The following H6PD variants were observed in gnomAD, a reference collection of about 807,000 sequenced individuals.
The protein encoded by H6PD is GDH/6PGL endoplasmic bifunctional protein.
A neutral mutation model predicts 61.2 loss-of-function variants in H6PD; 48 were observed. The ratio of observed to expected loss-of-function variants is 0.78; its 90% CI spans 0.62 to 1.00. H6PD has a LOEUF of 1.00. Ranked by LOEUF, H6PD falls within the 50% of genes least tolerant of loss-of-function variation. The pLI, the probability that H6PD is intolerant of heterozygous loss-of-function variation, is 0.00. For missense variants in H6PD, 1,093 were observed against 1,065.0 expected, an observed-to-expected ratio of 1.03 and a Z score of -0.37; for synonymous variants, 480 against 457.9, an observed-to-expected ratio of 1.05 and a Z score of -0.62.
intron 1 of H6PD, among the ~76,000 whole-genome samples, chr1:9,240,467 A>G (rs1311477512): frequency 1.3e-5 from 2 of 152,148 alleles, no homozygotes; most frequent in Non-Finnish European, 2.9e-5. Context: ...TAGGGACACT[A>G]AAAGATCACA....
intron 3 of H6PD, among the ~76,000 whole-genome samples, chr1:9,247,796 G>A (rs1285590318): frequency 2.0e-5 from 3 of 151,932 alleles, no homozygotes; most frequent in South Asian, 2.1e-4. Context: ...TTGCAGCTGT[G>A]AGATGAGCAT....
At position 9,245,418 on chromosome 1, in the gene H6PD, C is replaced by T. The variant is rs1285103136; in HGVS notation, c.484C>T (p.Pro162Ser). The change falls in exon 2 of 5, where the codon CCA (proline) becomes TCA (serine). Residue 162 changes from proline to serine, a missense_variant. Pro to Ser is a moderately conservative substitution (Grantham distance 74, BLOSUM62 -1). Transcript: ENST00000377403. This position sits in a 1 kb window ranked among gnomAD's most constrained non-coding sequence, Gnocchi z 4.8. Reference protein sequence around the residue: ...IARNINSSCRPGPGAWLRVVL... With the variant: ...IARNINSSCRSGPGAWLRVVL... ...CCGCAACATCAACAGTAGCTGCCGGCCAGGCCCGGGCGCCTGGCTGCGGGT... is the reference window on the plus strand; with the variant it reads ...CCGCAACATCAACAGTAGCTGCCGGTCAGGCCCGGGCGCCTGGCTGCGGGT... 4 of 1,614,030 alleles carry T rather than the reference C, an allele frequency of 2.5e-6. No individual in the cohort carries two copies. The African/African-American group carries it at 5.3e-5, about 22-fold the overall frequency.
intron 1 of H6PD, among the ~76,000 whole-genome samples, chr1:9,237,170 C>T (rs1042514209): frequency 6.6e-6 from 1 of 150,796 alleles, no homozygotes; most frequent in African/African-American, 2.4e-5. Context: ...GCTCTGGGAC[C>T]AGACTGCCTG....
In H6PD at chr1:9,264,696, C is replaced by G. The variant is rs771628261; in HGVS notation, c.2203C>G (p.Leu735Val). ...CCGCCGCATGAGCCTTAGCCTGCCT[C>G]TCATCAACCGCGCCAAGAAGGTGGC... ...PHRRMSLSLP[L>V]INRAKKVAVL... Residue 735 changes from leucine (L) to valine (V), a missense_variant, in exon 5 of 5, where the codon CTC (leucine) becomes GTC (valine). Transcript: ENST00000377403. 5 of 1,613,428 alleles carry G rather than the reference C, an allele frequency of 3.1e-6. No homozygotes were observed. Among genetic ancestry groups the G allele is most frequent in the Non-Finnish European group, 4.2e-6 (5 of 1,180,024 alleles).
chr1:9,258,773 TTGTTA>T (rs1272673826), intron 3 of H6PD, among the ~76,000 whole-genome samples: 1 of 147,796 alleles, frequency 6.8e-6, no homozygotes, highest in Non-Finnish European at 1.5e-5. Context: ...TATGCTGGTG[TTGTTA>T]TGTTGTTGTT....
intron 3 of H6PD, among the ~76,000 whole-genome samples, chr1:9,257,793 C>T (rs889935569): frequency 6.6e-6 from 1 of 152,196 alleles, no homozygotes; most frequent in African/African-American, 2.4e-5. Flanking sequence ...AGGGGTCCTA[C>T]GTGCAGAAGC....
At chr1:9,257,676 G>A (rs1641561557) in intron 3 of H6PD, among the ~76,000 whole-genome samples, 1 of 152,198 alleles carries the variant, frequency 6.6e-6, no homozygotes, top group Non-Finnish European at 1.5e-5. Context: ...CAGTCAGCTG[G>A]GCTAGAAGAA....
intron 3 of H6PD, among the ~76,000 whole-genome samples, chr1:9,258,207 GTGT>G (rs1013948486): frequency 1.1e-4 from 16 of 152,100 alleles, no homozygotes; most frequent in Non-Finnish European, 2.1e-4. Flanking sequence ...TGTTACGCCA[GTGT>G]TGTTATGTTG....
chr1:9,249,695 C>T (rs1351191040), intron 3 of H6PD, among the ~76,000 whole-genome samples: 4 of 152,192 alleles, frequency 2.6e-5, no homozygotes, highest in Admixed American at 6.5e-5. Context: ...CAGCCTGTCG[C>T]GGTGAGACCA....
At chr1:9,255,804 G>A (rs1040869250) in intron 3 of H6PD, among the ~76,000 whole-genome samples, 6 of 152,114 alleles carry the variant, frequency 3.9e-5, no homozygotes, top group Non-Finnish European at 7.4e-5. Flanking sequence ...TGCTGGCCCC[G>A]GTAGGCATTG....
chr1:9,264,270 T>C lies in H6PD; in HGVS notation c.1777T>C (p.Ser593Pro). ...GQFHLALSGG[S>P]SPVALFQQLA... ...GTTCCACCTGGCACTGTCGGGGGGC[T>C]CGAGCCCCGTGGCCCTGTTCCAGCA... The change falls in exon 5 of 5, where the codon TCG becomes CCG. Residue 593 changes from serine (S) to proline (P), a missense_variant. Physicochemically the swap from Ser to Pro is moderately conservative, Grantham distance 74 (BLOSUM62 -1). Transcript: ENST00000377403. 1 of 1,609,928 alleles carries C rather than the reference T, an allele frequency of 6.2e-7. No individual in the cohort carries two copies. The highest frequency in any genetic ancestry group is 8.5e-7 in the Non-Finnish European group (1 of 1,179,358).
Position 9,264,308 on chromosome 1 carries a change from G to T in H6PD, c.1815G>T (p.Ala605=), listed in dbSNP as rs146460271. 6.2e-7 allele frequency: 1 copy of T among 1,611,438 alleles called. No homozygotes were observed. The highest frequency in any genetic ancestry group is 1.1e-5 in the South Asian group (1 of 91,066). The change falls in exon 5 of 5, where the codon GCG becomes GCT. Residue 605 remains alanine, a synonymous_variant. Transcript: ENST00000377403. ...CCCTGTTCCAGCAGCTGGCCACGGCGCACTATGGCTTCCCCTGGGCCCACA... is the reference window on the plus strand; with the variant it reads ...CCCTGTTCCAGCAGCTGGCCACGGCTCACTATGGCTTCCCCTGGGCCCACA... ...PVALFQQLAT[A]HYGFPWAHTH... is the part of the protein sequence containing the mutation.
intron 1 of H6PD, among the ~76,000 whole-genome samples, chr1:9,237,609 A>G (rs1391728747): frequency 1.3e-5 from 2 of 152,072 alleles, no homozygotes; most frequent in African/African-American, 2.4e-5. Context: ...TACCTACCTC[A>G]TATGGTTGTG....
At position 9,259,787 on chromosome 1, in the gene H6PD, GTGT is replaced by G. The variant is rs552376786; in HGVS notation, c.746-2267_746-2265del. On this transcript the variant is annotated intron_variant, in intron 3 of 4. Transcript: ENST00000377403. Reference sequence around the variant, plus strand: ...CTGGTGTTACATTGTTGTTACACCAGTGTTGTTATGTTGCTGTTGTTACGGTGG... The same window carrying G: ...CTGGTGTTACATTGTTGTTACACCAGTGTTATGTTGCTGTTGTTACGGTGG... Among the ~76,000 whole-genome samples the G allele has an allele frequency of 2.8e-3, 431 of 151,828 alleles. 1 individual carries two copies. The highest frequency in any genetic ancestry group is 0.01 in the African/African-American group (424 of 41,408).
intron 1 of H6PD, among the ~76,000 whole-genome samples, chr1:9,242,344 C>CAA (rs1298006881): frequency 7.1e-6 from 1 of 140,462 alleles, no homozygotes; most frequent in Admixed American, 7.2e-5. Flanking sequence ...GTTAAAAAAA[C>CAA]ATAAAAAAAA....
intron 3 of H6PD, among the ~76,000 whole-genome samples, chr1:9,249,564 C>A (rs1460571102): frequency 6.6e-6 from 1 of 152,172 alleles, no homozygotes; most frequent in Non-Finnish European, 1.5e-5. Flanking sequence ...GAGGGTCCGC[C>A]GCTCCTAAGC....
At chr1:9,260,779 T>C (rs1421815131) in intron 3 of H6PD, among the ~76,000 whole-genome samples, 1 of 152,024 alleles carries the variant, frequency 6.6e-6, no homozygotes, top group East Asian at 1.9e-4. Flanking sequence ...GTTCTCCAGG[T>C]GTTCTTCCCT....
Position 9,248,006 on chromosome 1 carries a change from C to T in H6PD, c.745+923C>T, listed in dbSNP as rs1285320680. On this transcript the variant is annotated intron_variant, in intron 3 of 4. Transcript: ENST00000377403. The stretch of plus-strand genomic sequence containing the variant: ...GCCTCCTTACAGATGAAGATGGTGG[C>T]GAGCCCACAGCCCCACAGTAGAAGG... 3.9e-5 allele frequency among the ~76,000 whole-genome samples: 6 copies of T among 152,362 alleles called. 1 individual carries two copies. The South Asian group carries it at 1.2e-3, about 32-fold the overall frequency.
chr1:9,250,184 G>T lies in H6PD; in HGVS notation c.745+3101G>T, dbSNP rs770789760. Among the ~76,000 whole-genome samples, 19 of 152,322 alleles carry T rather than the reference G, an allele frequency of 1.2e-4. No homozygotes were observed. The Middle Eastern group carries it at 0.01, about 82-fold the overall frequency. Reference sequence around the variant, plus strand: ...CAGCAAGGCCTAGGCTGCCACTGCTGTCCCGGGTGAGGGCGGGAAACAGGC... The same window carrying T: ...CAGCAAGGCCTAGGCTGCCACTGCTTTCCCGGGTGAGGGCGGGAAACAGGC... On this transcript the variant is annotated intron_variant, in intron 3 of 4. Coordinates refer to ENST00000377403, the MANE Select transcript of H6PD (RefSeq NM_004285.4).
Sources: gnomAD v4.1 joint callset for allele counts (sites outside exome capture counted in the v4.1 genomes callset) on GRCh38, gnomAD v4.1.1 for gene constraint, Gnocchi (gnomAD v3.1) non-coding constraint, MANE v1.5 for transcripts, NCBI Gene and HGNC (gene_info 2026-07-23, HGNC 2026-07-21) for gene names.